CYB5R3: variants seen among roughly 807,000 people sequenced by gnomAD.
CYB5R3 encodes the protein NADH-cytochrome b5 reductase 3.
In CYB5R3, 28 loss-of-function variants were observed where a neutral mutation model predicts 36.5. That is an observed-to-expected ratio of 0.77 (90% confidence interval 0.57 to 1.05). The LOEUF (loss-of-function observed/expected upper bound fraction) is 1.05, where lower values mean the gene tolerates loss of function less well. Among genes scored for constraint, CYB5R3 ranks in the 50% least tolerant of loss-of-function variants. CYB5R3 has a pLI of 0.00. For synonymous variants in CYB5R3, 181 were observed against 159.8 expected (o/e 1.13, Z -1.00); for missense variants, 474 against 408.9 (o/e 1.16, Z -1.37).
At chr22:42,638,583 C>A (rs953504522) in intron 1 of CYB5R3, among the ~76,000 whole-genome samples, 1 of 146,534 alleles carries the variant, frequency 6.8e-6, no homozygotes. Flanking sequence ...GGTTAGAAAA[C>A]CTGAATCCCT....
intron 1 of CYB5R3, among the ~76,000 whole-genome samples, chr22:42,644,934 C>T (rs896133298): frequency 6.6e-6 from 1 of 152,158 alleles, no homozygotes; most frequent in African/African-American, 2.4e-5. Flanking sequence ...CACAGTGGTG[C>T]AAGGTGGGAA....
At chr22:42,644,572 C>T in intron 1 of CYB5R3, 1 of 1,525,710 alleles carries the variant, frequency 6.6e-7, no homozygotes, top group Non-Finnish European at 8.8e-7. Context: ...CTAACCAGGC[C>T]CTTGGTAGAC....
At position 42,627,401 on chromosome 22, in the gene CYB5R3, C is replaced by A. The variant is rs1479369894; in HGVS notation, c.548-12G>T. On this transcript the variant is annotated splice_polypyrimidine_tract_variant and intron_variant, in intron 6 of 8. Coordinates refer to ENST00000352397, the MANE Select transcript of CYB5R3 (RefSeq NM_000398.7). ...CATCGGGGTGATGCCTGCAAAATAG[C>A]CGGCCGGGCCTCGCACGTGCTGAGC... is the stretch of plus-strand genomic sequence containing the variant. The A allele has an allele frequency of 1.9e-6, 3 of 1,613,094 alleles. No homozygotes were observed. The highest frequency in any genetic ancestry group is 1.7e-5 in the Admixed American group (1 of 59,982).
chr22:42,631,001 A>T lies in CYB5R3; in HGVS notation c.227-13T>A. 6.2e-7 allele frequency: 1 copy of T among 1,610,974 alleles called. No individual in the cohort carries two copies. The highest frequency in any genetic ancestry group is 1.1e-5 in the South Asian group (1 of 90,704). On this transcript the variant is annotated splice_polypyrimidine_tract_variant and intron_variant, in intron 3 of 8. Transcript: ENST00000352397. ...TAGATGTGCTGGCCTGCAGGACAGA[A>T]CGGGGTCACTCTGGGCCAGAGATCA... is the stretch of plus-strand genomic sequence containing the variant.
rs774242947 is a variant in CYB5R3, at chr22:42,631,422, C to A, written c.182G>T (p.Arg61Leu). The change falls in exon 3 of 9, where the codon CGC (arginine) becomes CTC (leucine). Residue 61 changes from arginine to leucine, a missense_variant. Transcript: ENST00000352397. ...EIISHDTRRF[R>L]FALPSPQHIL... The stretch of plus-strand genomic sequence containing the variant: ...GTGCTGGGGTGACGGCAGGGCAAAG[C>A]GGAAGCGCCGGGTGTCATGGCTGAT... The A allele has an allele frequency of 1.9e-6, 3 of 1,551,606 alleles. No homozygotes were observed. The highest frequency in any genetic ancestry group is 2.6e-6 in the Non-Finnish European group (3 of 1,146,958).
At chr22:42,639,164 T>C in intron 1 of CYB5R3, 1 of 319,614 alleles carries the variant, frequency 3.1e-6, no homozygotes, top group Non-Finnish European at 6.1e-6. Flanking sequence ...ACCCCGTCTC[T>C]ACCAAAAATA....
chr22:42,631,498 C>T (rs1928619753), intron 2 of CYB5R3, 48 bp from the exon 3 acceptor site: 15 of 1,521,194 alleles, frequency 9.9e-6, no homozygotes, highest in Non-Finnish European at 1.3e-5. Context: ...GCAGAGGCCT[C>T]CCAGGGCGGC....
In CYB5R3 at chr22:42,636,854, G is replaced by T. The variant is rs375207614; in HGVS notation, c.22-8C>A. ...GAGCACCATATGGCCCAACTGAAAC[G>T]ACAGGACCCGCGGGGTCAGTGCAGG... On this transcript the variant is annotated splice_region_variant and splice_polypyrimidine_tract_variant and intron_variant, in intron 1 of 8. Coordinates refer to ENST00000352397, the MANE Select transcript of CYB5R3 (RefSeq NM_000398.7). The T allele has an allele frequency of 6.2e-7, 1 of 1,612,982 alleles. No homozygotes were observed. Among genetic ancestry groups the T allele is most frequent in the Non-Finnish European group, 8.5e-7 (1 of 1,179,822 alleles).
In CYB5R3 at chr22:42,647,067, A is replaced by G; in HGVS notation, c.21+2228T>C. 9.1e-6 allele frequency: 7 copies of G among 766,984 alleles called. No individual in the cohort carries two copies. The South Asian group carries it at 4.1e-4, about 45-fold the overall frequency. The allele number at this position is 766,984 out of a possible 1,614,324, so 47.5% of individuals were successfully genotyped here. A position where few individuals can be genotyped will look rare whatever the true frequency, so the allele number is the denominator to read the frequency against. ...GCCTCCCATGGGGCCTGCATGTCTT[A>G]GATAAGACACCTAGAGCACCAGGCC... On this transcript the variant is annotated intron_variant, in intron 1 of 8. Transcript: ENST00000352397.
chr22:42,639,462 T>C (rs1372978195), intron 1 of CYB5R3, among the ~76,000 whole-genome samples: 1 of 152,010 alleles, frequency 6.6e-6, no homozygotes, highest in Non-Finnish European at 1.5e-5. Flanking sequence ...ACCGCGTCTC[T>C]ACCAAAAATA....
intron 1 of CYB5R3, 59 bp downstream of exon 1, chr22:42,649,236 G>T: frequency 1.8e-6 from 1 of 545,812 alleles, no homozygotes; most frequent in Non-Finnish European, 2.4e-6. Flanking sequence ...CCGCCCCCTC[G>T]CCGCCGGGTC....
At position 42,630,757 on chromosome 22, in the gene CYB5R3, G is replaced by A. The variant is rs1305202893; in HGVS notation, c.333+125C>T. The A allele has an allele frequency of 3.6e-6, 3 of 822,296 alleles. No homozygotes were observed. In the African/African-American group the frequency reaches 5.1e-5, roughly 14 times the overall value. 50.9% of individuals were successfully genotyped at this position (822,296 alleles called of 1,614,324 possible). On this transcript the variant is annotated intron_variant, in intron 4 of 8. Transcript: ENST00000352397. Reference sequence around the variant, plus strand: ...TGCAAGCCCCTGAGGAAGTGGGGCAGCCATGACCGAGGCTGGGCTGCACAG... The same window carrying A: ...TGCAAGCCCCTGAGGAAGTGGGGCAACCATGACCGAGGCTGGGCTGCACAG...
At chr22:42,630,709 G>A (rs1482498695) in intron 4 of CYB5R3, among the ~76,000 whole-genome samples, 173 bp downstream of exon 4, 1 of 152,228 alleles carries the variant, frequency 6.6e-6, no homozygotes, top group Non-Finnish European at 1.5e-5. Flanking sequence ...GGACTCGAGA[G>A]GGGCTCTAGA....
In CYB5R3 at chr22:42,627,371, T is replaced by C; in HGVS notation, c.566A>G (p.Gln189Arg). 1 of 1,613,862 alleles carries C rather than the reference T, an allele frequency of 6.2e-7. No homozygotes were observed. Among genetic ancestry groups the C allele is most frequent in the Non-Finnish European group, 8.5e-7 (1 of 1,179,964 alleles). ...AGGTGITPML[Q>R]VIRAIMKDPD... ...GTCCTTCATGATGGCGCGGATCACC[T>C]GCAGCATCGGGGTGATGCCTGCAAA... is the stretch of plus-strand genomic sequence containing the variant. Residue 189 changes from glutamine to arginine, a missense_variant, in exon 7 of 9, where the codon CAG (glutamine) becomes CGG (arginine). Transcript: ENST00000352397.
Position 42,627,602 on chromosome 22 carries a change from T to G in CYB5R3, c.547+3A>C, listed in dbSNP as rs762137516. 1.2e-6 allele frequency: 2 copies of G among 1,613,488 alleles called. No individual in the cohort carries two copies. The highest frequency in any genetic ancestry group is 1.7e-6 in the Non-Finnish European group (2 of 1,179,386). ...GGACGCCTCAGTGGGGGGTTCCGTG[T>G]ACCTGTCCCTCCCGCGATCATGCCC... On this transcript the variant is annotated splice_donor_region_variant and intron_variant, in intron 6 of 8. Transcript: ENST00000352397.
At chr22:42,634,905 C>T (rs919123399) in intron 2 of CYB5R3, among the ~76,000 whole-genome samples, 3 of 150,180 alleles carry the variant, frequency 2.0e-5, no homozygotes, top group Admixed American at 6.6e-5. Context: ...CCCAGGTTCA[C>T]GCCATTCTCC....
At chr22:42,638,679 C>T (rs1254150994) in intron 1 of CYB5R3, among the ~76,000 whole-genome samples, 28 of 140,274 alleles carry the variant, frequency 2.0e-4, no homozygotes, top group African/African-American at 7.1e-4. Flanking sequence ...TTGCAGTGAG[C>T]CAAGATCACA....
chr22:42,635,684 A>G (rs997037701), intron 2 of CYB5R3, among the ~76,000 whole-genome samples: 5 of 152,226 alleles, frequency 3.3e-5, no homozygotes, highest in African/African-American at 4.8e-5. Context: ...ATTCCTGTGA[A>G]GCCTGAGTCA....
At chr22:42,639,728 T>C in intron 1 of CYB5R3, 2 of 494,510 alleles carry the variant, frequency 4.0e-6, no homozygotes, top group Non-Finnish European at 7.2e-6. Flanking sequence ...GGAATGTCCT[T>C]GTTCTTAGGA....
Sources: gnomAD v4.1 joint callset for allele counts (sites outside exome capture counted in the v4.1 genomes callset) on GRCh38, gnomAD v4.1.1 for gene constraint, MANE v1.5 for transcripts, NCBI Gene and HGNC (gene_info 2026-07-23, HGNC 2026-07-21) for gene names.